CACNA2D2: variants seen among roughly 807,000 people sequenced by gnomAD.
CACNA2D2 encodes voltage-dependent calcium channel subunit alpha-2/delta-2.
Under a neutral mutation model 166.4 loss-of-function variants are expected in CACNA2D2, and 48 were observed. That is an observed-to-expected ratio of 0.29 (90% CI 0.23 to 0.37). The LOEUF is 0.37. CACNA2D2 is among the 10% of genes least tolerant of loss of function. The probability of loss-of-function intolerance (pLI) is 1.00; values close to 1 mark genes in which losing one functional copy is unlikely to be tolerated. For missense variants in CACNA2D2, 1,122 were observed against 1,433.0 expected, an observed-to-expected ratio of 0.78 and a Z score of 3.50; for synonymous variants, 561 against 573.7, an observed-to-expected ratio of 0.98 and a Z score of 0.32.
chr3:50,377,370 TC>T lies in CACNA2D2; in HGVS notation c.1626+96del, dbSNP rs770732574. 5.3e-5 allele frequency: 52 copies of T among 990,302 alleles called. No individual in the cohort carries two copies. The Middle Eastern group carries it at 6.3e-4, about 12-fold the overall frequency. 61.3% of individuals were successfully genotyped at this position (990,302 alleles called of 1,614,324 possible). A position where few individuals can be genotyped will look rare whatever the true frequency, so the allele number is the denominator to read the frequency against. ...TCCCCGACCCCTGAACTCAGAGGTC[TC>T]CATGGAGGCGCTGTAATACCCATCA... is the stretch of plus-strand genomic sequence containing the variant. On this transcript the variant is annotated intron_variant, in intron 17 of 37. Coordinates refer to ENST00000424201, the MANE Select transcript of CACNA2D2 (RefSeq NM_006030.4).
chr3:50,420,180 G>A (rs1003106385), intron 3 of CACNA2D2, among the ~76,000 whole-genome samples: 1 of 152,286 alleles, frequency 6.6e-6, no homozygotes. Flanking sequence ...CATCCCGAGG[G>A]AGTCGCAGTA....
At chr3:50,436,876 A>G (rs1325749744) in intron 2 of CACNA2D2, among the ~76,000 whole-genome samples, 2 of 152,172 alleles carry the variant, frequency 1.3e-5, no homozygotes, top group Non-Finnish European at 2.9e-5. Flanking sequence ...CGGTCTGGGC[A>G]GTCTCCCACA....
At chr3:50,455,033 A>C (rs1709288080) in intron 2 of CACNA2D2, among the ~76,000 whole-genome samples, 1 of 152,194 alleles carries the variant, frequency 6.6e-6, no homozygotes, top group Non-Finnish European at 1.5e-5. Context: ...AACAGGTCAC[A>C]AGCCTGCTGC....
At position 50,465,543 on chromosome 3, in the gene CACNA2D2, C is replaced by A. The variant is rs148670742; in HGVS notation, c.288+10575G>T. Reference sequence around the variant, plus strand: ...GACTCAGGTACAAGTTCAACAGATCCCATCAGTGTCCCAGGAGCTGTGCCC... The same window carrying A: ...GACTCAGGTACAAGTTCAACAGATCACATCAGTGTCCCAGGAGCTGTGCCC... On this transcript the variant is annotated intron_variant, in intron 2 of 37. Transcript: ENST00000424201. Among the ~76,000 whole-genome samples the A allele has an allele frequency of 1.3e-3, 202 of 152,292 alleles. 1 individual carries two copies. The highest frequency in any genetic ancestry group is 4.7e-3 in the African/African-American group (194 of 41,566).
intron 1 of CACNA2D2, among the ~76,000 whole-genome samples, chr3:50,487,430 GA>G (rs1440869847): frequency 6.6e-6 from 1 of 152,232 alleles, no homozygotes; most frequent in Non-Finnish European, 1.5e-5. Flanking sequence ...CAGGGAGCCT[GA>G]GCCAGGTATG....
chr3:50,363,837 G>GT lies in CACNA2D2; in HGVS notation c.*828dup, dbSNP rs1704063095. 6.6e-6 allele frequency: 1 copy of GT among 152,646 alleles called. No individual in the cohort carries two copies. The highest frequency in any genetic ancestry group is 1.5e-5 in the Non-Finnish European group (1 of 68,192). The allele number at this position is 152,646 out of a possible 1,614,324, so 9.5% of individuals were successfully genotyped here. On this transcript the variant is annotated 3_prime_UTR_variant, in exon 38 of 38. Coordinates refer to ENST00000424201, the MANE Select transcript of CACNA2D2 (RefSeq NM_006030.4). ...ACCCCCTGCCCCAGCATTTGGCACTGTTTGACATTCAGCTTTAGAAATGGG... is the reference window on the plus strand; with the variant it reads ...ACCCCCTGCCCCAGCATTTGGCACTGTTTTGACATTCAGCTTTAGAAATGGG...
chr3:50,370,178 C>G, intron 23 of CACNA2D2, 142 bp downstream of exon 23: 1 of 670,674 alleles, frequency 1.5e-6, no homozygotes. Context: ...CACACAGCCG[C>G]GCATACCGGG....
In CACNA2D2 at chr3:50,367,322, CCA is replaced by C. The variant is rs1704368719; in HGVS notation, c.2401+70_2401+71del. ...GGAGAGGGGCCTCAGACAGCAGAGC[CCA>C]GTTCTGGCTGAGCAGACAGGGAAGC... On this transcript the variant is annotated intron_variant, in intron 27 of 37. Transcript: ENST00000424201. This position sits in a 1 kb window ranked among gnomAD's most constrained non-coding sequence, Gnocchi z 6.5. The C allele has an allele frequency of 7.2e-7, 1 of 1,396,878 alleles. No individual in the cohort carries two copies. Among genetic ancestry groups the C allele is most frequent in the African/African-American group, 1.4e-5 (1 of 70,470 alleles). 86.5% of individuals were successfully genotyped at this position (1,396,878 alleles called of 1,614,324 possible). A position where few individuals can be genotyped will look rare whatever the true frequency, so the allele number is the denominator to read the frequency against.
chr3:50,500,523 C>T (rs887802828), intron 1 of CACNA2D2, among the ~76,000 whole-genome samples: 4 of 152,084 alleles, frequency 2.6e-5, no homozygotes, highest in African/African-American at 9.7e-5. Flanking sequence ...GGGAAAGACA[C>T]AAGGGGAGGC....
chr3:50,492,385 C>T lies in CACNA2D2; in HGVS notation c.206+10833G>A, dbSNP rs145626968. Among the ~76,000 whole-genome samples the T allele has an allele frequency of 2.2e-3, 328 of 152,382 alleles. 3 individuals are homozygous for T. The highest frequency in any genetic ancestry group is 7.2e-3 in the African/African-American group (301 of 41,590). On this transcript the variant is annotated intron_variant, in intron 1 of 37. Coordinates refer to ENST00000424201, the MANE Select transcript of CACNA2D2 (RefSeq NM_006030.4). Reference sequence around the variant, plus strand: ...AGGACGTGGCCTGAATGGCCTCCTTCAGGCCTCTGACTGACCAAACCTCAC... The same window carrying T: ...AGGACGTGGCCTGAATGGCCTCCTTTAGGCCTCTGACTGACCAAACCTCAC...
chr3:50,412,931 G>A (rs1167489775), intron 3 of CACNA2D2, among the ~76,000 whole-genome samples: 1 of 152,168 alleles, frequency 6.6e-6, no homozygotes. Context: ...GTCTCCCGGT[G>A]CCCTCTATTA....
chr3:50,410,417 A>T (rs1209981754), intron 3 of CACNA2D2, among the ~76,000 whole-genome samples: 1 of 151,932 alleles, frequency 6.6e-6, no homozygotes, highest in Non-Finnish European at 1.5e-5. Flanking sequence ...AGCACAGAGC[A>T]TGCTCACTAC....
intron 1 of CACNA2D2, among the ~76,000 whole-genome samples, chr3:50,480,737 G>A (rs536334682): frequency 6.5e-5 from 9 of 139,516 alleles, no homozygotes; most frequent in African/African-American, 1.9e-4. Context: ...AAGGCTGGGG[G>A]AGGCTGCATG....
chr3:50,476,325 C>G, intron 1 of CACNA2D2, 126 bp from the exon 2 acceptor site: 1 of 697,172 alleles, frequency 1.4e-6, no homozygotes, highest in South Asian at 1.7e-5. Flanking sequence ...TAGAGGAGGA[C>G]CCACAGCAAG....
intron 1 of CACNA2D2, among the ~76,000 whole-genome samples, chr3:50,502,802 A>C (rs1699035457): frequency 6.6e-6 from 1 of 152,212 alleles, no homozygotes; most frequent in South Asian, 2.1e-4. Context: ...CCGGATTCCC[A>C]CCAGGGAGGG....
chr3:50,377,428 T>C (rs1373729268), intron 17 of CACNA2D2, 39 bp downstream of exon 17: 1 of 1,532,262 alleles, frequency 6.5e-7, no homozygotes, highest in South Asian at 1.1e-5. Flanking sequence ...TGTGTCCACA[T>C]GGGAGGCAGG....
chr3:50,366,372 G>T lies in CACNA2D2; in HGVS notation c.2638-34C>A. On this transcript the variant is annotated intron_variant, in intron 30 of 37. Coordinates refer to ENST00000424201, the MANE Select transcript of CACNA2D2 (RefSeq NM_006030.4). This position sits in a 1 kb window ranked among gnomAD's most constrained non-coding sequence, Gnocchi z 5.9. ...AAGGGAATGGGGAGGAAAATGGAGA[G>T]GGGCTGGGCCCCGGACCTTCCACCG... 6.2e-7 allele frequency: 1 copy of T among 1,608,138 alleles called. No individual in the cohort carries two copies. Among genetic ancestry groups the T allele is most frequent in the Non-Finnish European group, 8.5e-7 (1 of 1,174,698 alleles).
Position 50,443,595 on chromosome 3 carries a change from C to T in CACNA2D2, c.289-9166G>A, listed in dbSNP as rs540010166. Among the ~76,000 whole-genome samples the T allele has an allele frequency of 7.9e-5, 12 of 152,332 alleles. No individual in the cohort carries two copies. In the South Asian group the frequency reaches 2.5e-3, roughly 32 times the overall value. ...GGCCTGCCCTTCAGTCCGTTCACCA[C>T]CTTGTGCAGCCCTGGCCCAGCTTGG... On this transcript the variant is annotated intron_variant, in intron 2 of 37. Coordinates refer to ENST00000424201, the MANE Select transcript of CACNA2D2 (RefSeq NM_006030.4).
intron 4 of CACNA2D2, among the ~76,000 whole-genome samples, chr3:50,393,233 TGA>T (rs1354947220): frequency 2.6e-5 from 4 of 152,026 alleles, no homozygotes; most frequent in African/African-American, 9.7e-5. Flanking sequence ...AGAGCTGGAG[TGA>T]GTCAGGTCTG....
Sources: gnomAD v4.1 joint callset for allele counts (sites outside exome capture counted in the v4.1 genomes callset) on GRCh38, gnomAD v4.1.1 for gene constraint, Gnocchi (gnomAD v3.1) non-coding constraint, MANE v1.5 for transcripts, NCBI Gene and HGNC (gene_info 2026-07-23, HGNC 2026-07-21) for gene names.